The following ENY2 variants were observed in gnomAD, a reference collection of about 807,000 sequenced individuals.
ENY2 encodes ENY2 transcription and export complex 2 subunit, also known as transcription and mRNA export factor ENY2.
In ENY2, 4 loss-of-function variants were observed where a neutral mutation model predicts 15.9. The ratio of observed to expected loss-of-function variants is 0.25; its 90% CI spans 0.12 to 0.57. ENY2 has a LOEUF of 0.57. ENY2 is among the 20% of genes least tolerant of loss of function. ENY2 has a pLI of 0.91. For synonymous variants in ENY2, 48 were observed against 38.0 expected (o/e 1.26, Z -0.97); for missense variants, 54 against 117.2 (o/e 0.46, Z 2.49).
intron 1 of ENY2, chr8:109,334,856 G>GT (rs1434502097): frequency 4.4e-6 from 1 of 226,556 alleles, no homozygotes; most frequent in African/African-American, 2.3e-5. Context: ...ACTAGACCTT[G>GT]TAGTTATTTT....
intron 2 of ENY2, 60 bp downstream of exon 2, chr8:109,336,264 G>A: frequency 7.4e-7 from 1 of 1,346,434 alleles, no homozygotes; most frequent in Non-Finnish European, 1.0e-6. Flanking sequence ...TAGCTTGTAA[G>A]AATCTAAACA....
chr8:109,339,011 C>T (rs899305579), intron 2 of ENY2: 20 of 302,174 alleles, frequency 6.6e-5, no homozygotes, highest in Non-Finnish European at 1.2e-4. Context: ...CATGATATTC[C>T]TGTTGGTAGA....
chr8:109,340,517 C>T lies in ENY2; in HGVS notation c.183C>T (p.His61=), dbSNP rs754811292. Residue 61 remains histidine (H), a synonymous_variant, in exon 4 of 5, where the codon CAC becomes CAT. Transcript: ENST00000521688. ...KEVIKEKGLE[H]VTVDDLVAEI... ...TAATTAAAGAAAAAGGACTAGAACA[C>T]GTTACTGTTGATGACTTGGTGGCTG... 24 of 1,613,228 alleles carry T rather than the reference C, an allele frequency of 1.5e-5. No individual in the cohort carries two copies. Among genetic ancestry groups the T allele is most frequent in the East Asian group, 6.7e-5 (3 of 44,796 alleles).
At chr8:109,335,956 C>T (rs916412120) in intron 1 of ENY2, 172 bp from the exon 2 acceptor site, 12 of 544,006 alleles carry the variant, frequency 2.2e-5, no homozygotes, top group Non-Finnish European at 3.2e-5. Context: ...TGCATTAGCC[C>T]AGTGCCAAGC....
At chr8:109,340,290 G>A in intron 3 of ENY2, 199 bp from the exon 4 acceptor site, 1 of 631,350 alleles carries the variant, frequency 1.6e-6, no homozygotes. Flanking sequence ...TTATTTAGCT[G>A]AGACTTACGA....
intron 1 of ENY2, chr8:109,335,761 G>A (rs895185332): frequency 4.3e-5 from 7 of 162,830 alleles, no homozygotes; most frequent in African/African-American, 7.2e-5. Flanking sequence ...AGAAGTGATC[G>A]GCAGTTATGT....
chr8:109,335,891 G>T, intron 1 of ENY2: 1 of 320,284 alleles, frequency 3.1e-6, no homozygotes, highest in Non-Finnish European at 5.7e-6. Context: ...ATATAAATAT[G>T]TAACAATACG....
chr8:109,340,053 A>G (rs1376743187), intron 3 of ENY2, among the ~76,000 whole-genome samples: 2 of 152,190 alleles, frequency 1.3e-5, no homozygotes, highest in Non-Finnish European at 2.9e-5. Flanking sequence ...CTGGATTTCA[A>G]CTCAGGGCTG....
At position 109,344,262 on chromosome 8, in the gene ENY2, T is replaced by G. The variant is rs2130208734; in HGVS notation, c.*781T>G. On this transcript the variant is annotated 3_prime_UTR_variant, in exon 5 of 5. Transcript: ENST00000521688. ...CTCTCTTCCCACTCCTCACATTGCT[T>G]TTGCTACCACTGGAAGTTCCTTCTG... 1 of 152,448 alleles carries G rather than the reference T, an allele frequency of 6.6e-6. No individual in the cohort carries two copies. The highest frequency in any genetic ancestry group is 2.4e-5 in the African/African-American group (1 of 41,576). 9.4% of individuals were successfully genotyped at this position (152,448 alleles called of 1,614,324 possible).
chr8:109,344,751 G>A lies in ENY2; in HGVS notation c.*1270G>A, dbSNP rs902203165. On this transcript the variant is annotated 3_prime_UTR_variant, in exon 5 of 5. Transcript: ENST00000521688. ...TGATTGAGAACCACTTCTGAATATA[G>A]CAAGGCTGTAAATTATCCACTACGT... The A allele has an allele frequency of 6.6e-6, 1 of 152,146 alleles. No homozygotes were observed. Among genetic ancestry groups the A allele is most frequent in the African/African-American group, 2.4e-5 (1 of 41,420 alleles). 9.4% of individuals were successfully genotyped at this position (152,146 alleles called of 1,614,324 possible). A position where few individuals can be genotyped will look rare whatever the true frequency, so the allele number is the denominator to read the frequency against.
chr8:109,342,929 C>G, intron 4 of ENY2: 2 of 491,798 alleles, frequency 4.1e-6, no homozygotes, highest in East Asian at 3.7e-5. Flanking sequence ...CTCTCCTTTT[C>G]TTCATCTCTT....
intron 2 of ENY2, chr8:109,339,073 A>AT (rs1816058794): frequency 1.9e-6 from 1 of 530,242 alleles, no homozygotes; most frequent in African/African-American, 1.9e-5. Flanking sequence ...CTTGAAAAGT[A>AT]TTTTAGCCCC....
intron 2 of ENY2, among the ~76,000 whole-genome samples, chr8:109,337,854 G>A (rs760042232): frequency 6.6e-5 from 10 of 151,922 alleles, no homozygotes; most frequent in Admixed American, 2.6e-4. Flanking sequence ...AGCTGAGATC[G>A]CGCCACTTCA....
At chr8:109,334,659 C>T in intron 1 of ENY2, 185 bp downstream of exon 1, 1 of 634,260 alleles carries the variant, frequency 1.6e-6, no homozygotes, top group Non-Finnish European at 2.6e-6. Flanking sequence ...CCTCTCCCGC[C>T]TCTCCCGCTG....
At position 109,334,362 on chromosome 8, in the gene ENY2, C is replaced by G; in HGVS notation, c.-107C>G. On this transcript the variant is annotated 5_prime_UTR_variant, in exon 1 of 5. Coordinates refer to ENST00000521688, the MANE Select transcript of ENY2 (RefSeq NM_020189.6). ...CTAGCTTTCTGTGTGCTTAGGTGCC[C>G]GAGCTACTGAGGGTCTAAGTCCGGG... 1.3e-6 allele frequency: 2 copies of G among 1,532,004 alleles called. No homozygotes were observed. Among genetic ancestry groups the G allele is most frequent in the South Asian group, 1.1e-5 (1 of 87,062 alleles). The allele number at this position is 1,532,004 out of a possible 1,614,324, so 94.9% of individuals were successfully genotyped here.
rs188277406 is a variant in ENY2 at position 109,344,746 on chromosome 8, A to G, written c.*1265A>G. 1 of 152,338 alleles carries G rather than the reference A, an allele frequency of 6.6e-6. No individual in the cohort carries two copies. The allele number at this position is 152,338 out of a possible 1,614,324, so 9.4% of individuals were successfully genotyped here. On this transcript the variant is annotated 3_prime_UTR_variant, in exon 5 of 5. Coordinates refer to ENST00000521688, the MANE Select transcript of ENY2 (RefSeq NM_020189.6). ...GCTGCTGATTGAGAACCACTTCTGA[A>G]TATAGCAAGGCTGTAAATTATCCAC...
chr8:109,342,128 C>A (rs1298340307), intron 4 of ENY2, among the ~76,000 whole-genome samples: 1 of 149,366 alleles, frequency 6.7e-6, no homozygotes, highest in East Asian at 1.9e-4. Flanking sequence ...CCCCAGAACA[C>A]AAGTAAATAC....
chr8:109,341,907 C>T (rs780937542), intron 4 of ENY2, among the ~76,000 whole-genome samples: 3 of 152,110 alleles, frequency 2.0e-5, no homozygotes, highest in Non-Finnish European at 4.4e-5. Flanking sequence ...TTCAAGGCAA[C>T]TCACTAATCC....
chr8:109,335,159 T>G (rs956756252), intron 1 of ENY2: 1 of 152,180 alleles, frequency 6.6e-6, no homozygotes, highest in South Asian at 2.1e-4. Context: ...GTTTGGGTTG[T>G]CTGTTTTTAC....
Sources: allele counts gnomAD v4.1 joint callset (sites outside exome capture counted in the v4.1 genomes callset), GRCh38; gene constraint gnomAD v4.1.1; transcripts MANE v1.5; gene names NCBI Gene and HGNC (gene_info 2026-07-23, HGNC 2026-07-21).